ABHD12: variants seen among roughly 807,000 people sequenced by gnomAD.
ABHD12 encodes the protein lysophosphatidylserine lipase ABHD12.
Under a neutral mutation model 58.3 loss-of-function variants are expected in ABHD12, and 43 were observed. The ratio of observed to expected loss-of-function variants is 0.74; its 90% CI spans 0.58 to 0.95. The LOEUF (loss-of-function observed/expected upper bound fraction) is 0.95, where lower values mean the gene tolerates loss of function less well. Among genes scored for constraint, ABHD12 ranks in the 40% least tolerant of loss-of-function variants. ABHD12 has a pLI of 0.00. For missense variants in ABHD12, 539 were observed against 537.2 expected (o/e 1.00, Z -0.03); for synonymous variants, 219 against 211.2 (o/e 1.04, Z -0.32).
intron 1 of ABHD12, among the ~76,000 whole-genome samples, chr20:25,353,484 A>G (rs1198660941): frequency 2.0e-5 from 3 of 152,192 alleles, no homozygotes; most frequent in Non-Finnish European, 4.4e-5. Flanking sequence ...GTTTGGGAAT[A>G]TGGTTATTTA....
At chr20:25,356,723 G>C (rs1168079191) in intron 1 of ABHD12, among the ~76,000 whole-genome samples, 1 of 152,204 alleles carries the variant, frequency 6.6e-6, no homozygotes, top group Non-Finnish European at 1.5e-5. Context: ...AGTGGTAGGA[G>C]AGGGGTCTCC....
chr20:25,332,345 A>G lies in ABHD12; in HGVS notation c.316+6882T>C, dbSNP rs1333318130. ...CCTACAAAGAGACTTAGACTCCCAC[A>G]CATTAATAATGGGAGACTTTAACAA... is the stretch of plus-strand genomic sequence containing the variant. On this transcript the variant is annotated intron_variant, in intron 2 of 12. Coordinates refer to ENST00000339157, the MANE Select transcript of ABHD12 (RefSeq NM_001042472.3). Among the ~76,000 whole-genome samples the G allele has an allele frequency of 5.3e-5, 8 of 152,164 alleles. No individual in the cohort carries two copies. The East Asian group carries it at 1.5e-3, about 29-fold the overall frequency.
At chr20:25,386,774 G>A (rs558639208) in intron 1 of ABHD12, among the ~76,000 whole-genome samples, 57 of 152,024 alleles carry the variant, frequency 3.7e-4, no homozygotes, top group Admixed American at 5.9e-4. Flanking sequence ...CCAGCTACCC[G>A]GGAGGCTGAG....
intron 1 of ABHD12, among the ~76,000 whole-genome samples, chr20:25,388,492 G>A (rs1019434570): frequency 9.9e-5 from 15 of 152,196 alleles, no homozygotes; most frequent in African/African-American, 3.6e-4. Context: ...CAGTGAGGAG[G>A]AGGTGATGGT....
At chr20:25,373,722 G>A (rs977521108) in intron 1 of ABHD12, among the ~76,000 whole-genome samples, 2 of 151,604 alleles carry the variant, frequency 1.3e-5, no homozygotes, top group Admixed American at 6.6e-5. Flanking sequence ...ATTTGATTAC[G>A]AAGTGCCTTG....
At chr20:25,324,398 C>G (rs2089137882) in intron 2 of ABHD12, among the ~76,000 whole-genome samples, 2 of 152,178 alleles carry the variant, frequency 1.3e-5, no homozygotes, top group African/African-American at 4.8e-5. Flanking sequence ...AGTCTTACTG[C>G]TTTTGGTGAA....
At chr20:25,309,417 A>G in intron 7 of ABHD12, 29 bp downstream of exon 7, 1 of 1,613,636 alleles carries the variant, frequency 6.2e-7, no homozygotes, top group East Asian at 2.2e-5. Flanking sequence ...GACTCCCACT[A>G]AAGGCTGCCT....
intron 1 of ABHD12, among the ~76,000 whole-genome samples, chr20:25,363,232 T>C (rs2089776675): frequency 6.6e-6 from 1 of 151,038 alleles, no homozygotes; most frequent in African/African-American, 2.4e-5. Flanking sequence ...TTTTTTTTTT[T>C]TTTTTTTGAG....
At chr20:25,382,509 A>T (rs1489255590) in intron 1 of ABHD12, among the ~76,000 whole-genome samples, 1 of 152,146 alleles carries the variant, frequency 6.6e-6, no homozygotes, top group Non-Finnish European at 1.5e-5. Flanking sequence ...TTCACTCTGG[A>T]AGGACAAGTG....
At chr20:25,371,330 T>C (rs2089897456) in intron 1 of ABHD12, among the ~76,000 whole-genome samples, 1 of 152,200 alleles carries the variant, frequency 6.6e-6, no homozygotes, top group Admixed American at 6.5e-5. Flanking sequence ...GGCTGGCCCT[T>C]AGAACACTGT....
chr20:25,317,934 C>T (rs1323880012), intron 4 of ABHD12, among the ~76,000 whole-genome samples: 2 of 152,336 alleles, frequency 1.3e-5, no homozygotes, highest in South Asian at 2.1e-4. Context: ...TCCTCAGGAG[C>T]GGTCTCAACA....
chr20:25,312,460 C>CG (rs2088868425), intron 6 of ABHD12, among the ~76,000 whole-genome samples: 2 of 103,790 alleles, frequency 1.9e-5, no homozygotes. Context: ...GGATTGCAGA[C>CG]GGAGTCTCGT....
intron 3 of ABHD12, among the ~76,000 whole-genome samples, chr20:25,322,569 G>C (rs988507626): frequency 6.7e-6 from 1 of 150,122 alleles, no homozygotes; most frequent in African/African-American, 2.5e-5. Flanking sequence ...TTTTTCAGTA[G>C]AGACGGGGTT....
intron 1 of ABHD12, among the ~76,000 whole-genome samples, chr20:25,387,590 TAAAAAAAAA>T (rs57449867): frequency 2.7e-5 from 3 of 113,042 alleles, no homozygotes; most frequent in Non-Finnish European, 5.2e-5. Flanking sequence ...TCATCTCTAT[TAAAAAAAAA>T]AAAAAAAAAT....
At chr20:25,363,677 A>C (rs2089782914) in intron 1 of ABHD12, among the ~76,000 whole-genome samples, 1 of 151,770 alleles carries the variant, frequency 6.6e-6, no homozygotes, top group Non-Finnish European at 1.5e-5. Context: ...GACCAGCCTG[A>C]CCAACATGGT....
intron 1 of ABHD12, among the ~76,000 whole-genome samples, chr20:25,387,773 T>G (rs2090112427): frequency 6.6e-6 from 1 of 151,600 alleles, no homozygotes; most frequent in Admixed American, 6.6e-5. Flanking sequence ...CCGGGCGCTG[T>G]GGCTCACGCC....
intron 2 of ABHD12, among the ~76,000 whole-genome samples, chr20:25,335,107 A>G (rs1230808024): frequency 6.6e-6 from 1 of 151,684 alleles, no homozygotes; most frequent in Non-Finnish European, 1.5e-5. Flanking sequence ...ACAAATTTAC[A>G]AGAAAAAAAC....
In ABHD12 at chr20:25,320,201, G is replaced by A. The variant is rs777592249; in HGVS notation, c.540C>T (p.Thr180=). The change falls in exon 4 of 13, where the codon ACC becomes ACT. Residue 180 remains threonine (T), a splice_region_variant and synonymous_variant. Coordinates refer to ENST00000339157, the MANE Select transcript of ABHD12 (RefSeq NM_001042472.3). ...IILYLHGNAG[T]RGGDHRVELY... is the part of the protein sequence containing the mutation. Reference sequence around the variant, plus strand: ...GATGATGGGCTCCTCTCCCTCACCTGGTACCTGCGTTCCCATGCAGGTACA... The same window carrying A: ...GATGATGGGCTCCTCTCCCTCACCTAGTACCTGCGTTCCCATGCAGGTACA... The A allele has an allele frequency of 2.5e-5, 40 of 1,613,736 alleles. No homozygotes were observed. The highest frequency in any genetic ancestry group is 8.3e-5 in the Admixed American group (5 of 60,004).
rs2258719 is a variant in ABHD12, at chr20:25,295,207, C to T, written c.1158-177G>A. ...AGGCAAATCCCAGTTAGACTTAAGA[C>T]GGCAAATGGAGATGCCGTTCCCCAG... On this transcript the variant is annotated intron_variant, in intron 12 of 12. Transcript: ENST00000376542. Among the ~76,000 whole-genome samples, 58,229 of 152,174 alleles carry T rather than the reference C, an allele frequency of 0.38. 12,735 individuals are homozygous for T. The highest frequency in any genetic ancestry group is 0.92 in the East Asian group (4,740 of 5,180).
Sources: gnomAD v4.1 joint callset for allele counts (sites outside exome capture counted in the v4.1 genomes callset) on GRCh38, gnomAD v4.1.1 for gene constraint, MANE v1.5 for transcripts, NCBI Gene and HGNC (gene_info 2026-07-23, HGNC 2026-07-21) for gene names.